The following RNF19A variants were observed in gnomAD, a reference collection of about 807,000 sequenced individuals.
RNF19A encodes the protein E3 ubiquitin-protein ligase RNF19A.
Under a neutral mutation model 75.7 loss-of-function variants are expected in RNF19A, and 32 were observed. That is an observed-to-expected ratio of 0.42 (90% CI 0.32 to 0.57). The LOEUF (loss-of-function observed/expected upper bound fraction) is 0.57. Among genes scored for constraint, RNF19A ranks in the 20% least tolerant of loss-of-function variants. The pLI is 0.10. For missense variants in RNF19A, 782 were observed against 1,036.3 expected (o/e 0.75, Z 3.37); for synonymous variants, 335 against 345.2 (o/e 0.97, Z 0.33).
In RNF19A at chr8:100,260,482, C is replaced by T. The variant is rs1001455804; in HGVS notation, c.1683-485G>A. ...ACAGGGTCTCGTTATGTTGCCCAGG[C>T]TGGTCTCAAATTCCTGGCCTCAAGC... On this transcript the variant is annotated intron_variant, in intron 8 of 9. Coordinates refer to ENST00000341084, the MANE Select transcript of RNF19A (RefSeq NM_183419.4). This position sits in a 1 kb window ranked among gnomAD's most constrained non-coding sequence, Gnocchi z 4.1. Among the ~76,000 whole-genome samples the T allele has an allele frequency of 2.6e-5, 4 of 152,078 alleles. No individual in the cohort carries two copies. Among genetic ancestry groups the T allele is most frequent in the Non-Finnish European group, 5.9e-5 (4 of 68,016 alleles).
Position 100,287,040 on chromosome 8 carries a change from G to A in RNF19A, c.674+461C>T, listed in dbSNP as rs1049469411. ...TATCAACATGAACACATCATACTGT[G>A]GCACATGCTAAGGTAGGTACCTTTC... is the stretch of plus-strand genomic sequence containing the variant. On this transcript the variant is annotated intron_variant, in intron 2 of 9. Coordinates refer to ENST00000341084, the MANE Select transcript of RNF19A (RefSeq NM_183419.4). The surrounding 1 kb of genome is among the most constrained non-coding windows in gnomAD (Gnocchi z 4.1). 3.9e-5 allele frequency among the ~76,000 whole-genome samples: 6 copies of A among 152,000 alleles called. No homozygotes were observed. Among genetic ancestry groups the A allele is most frequent in the African/African-American group, 1.5e-4 (6 of 41,366 alleles).
chr8:100,310,030 C>T, upstream of RNF19A: 2 of 985,282 alleles, frequency 2.0e-6, no homozygotes, highest in Non-Finnish European at 2.4e-6. Context: ...TCCCGACGGC[C>T]GCTTTCCCGA....
chr8:100,308,981 C>T (rs1471667263), intron 1 of RNF19A, among the ~76,000 whole-genome samples: 1 of 152,182 alleles, frequency 6.6e-6, no homozygotes, highest in African/African-American at 2.4e-5. Context: ...CATATATAGC[C>T]TTAACCACTC....
At chr8:100,263,687 G>T (rs924601445) in intron 7 of RNF19A, among the ~76,000 whole-genome samples, 1 of 152,124 alleles carries the variant, frequency 6.6e-6, no homozygotes, top group Non-Finnish European at 1.5e-5. Context: ...ACATTGAGTT[G>T]AAGATATTTT....
In RNF19A at chr8:100,264,373, C is replaced by T. The variant is rs1283014990; in HGVS notation, c.1307-178G>A. 3 of 621,838 alleles carry T rather than the reference C, an allele frequency of 4.8e-6. No individual in the cohort carries two copies. In the East Asian group the frequency reaches 8.3e-5, roughly 17 times the overall value. The allele number at this position is 621,838 out of a possible 1,614,324, so 38.5% of individuals were successfully genotyped here. A position where few individuals can be genotyped will look rare whatever the true frequency, so the allele number is the denominator to read the frequency against. ...CCAGTTGTTAAGCAAATTCAAGGTTCCCAGCCTTTCAGGTAATGCACATAA... is the reference window on the plus strand; with the variant it reads ...CCAGTTGTTAAGCAAATTCAAGGTTTCCAGCCTTTCAGGTAATGCACATAA... On this transcript the variant is annotated intron_variant, in intron 6 of 9. Transcript: ENST00000341084. This position sits in a 1 kb window ranked among gnomAD's most constrained non-coding sequence, Gnocchi z 4.7.
upstream of RNF19A, chr8:100,309,988 T>C: frequency 1.0e-6 from 1 of 985,608 alleles, no homozygotes; most frequent in Non-Finnish European, 1.2e-6. Flanking sequence ...GAGGCGCCTC[T>C]CAACCGGGGC....
intron 1 of RNF19A, among the ~76,000 whole-genome samples, chr8:100,303,634 T>A (rs1821938266): frequency 6.6e-6 from 1 of 152,004 alleles, no homozygotes; most frequent in African/African-American, 2.4e-5. Flanking sequence ...TGCATAATTT[T>A]AAAAATGGGC....
chr8:100,286,312 C>T (rs1821014656), intron 2 of RNF19A, among the ~76,000 whole-genome samples: 1 of 152,206 alleles, frequency 6.6e-6, no homozygotes, highest in Non-Finnish European at 1.5e-5. Flanking sequence ...AGACAGCATC[C>T]ATAACGTATT....
chr8:100,316,744 T>C (rs1012806848), intron 1 of RNF19A, among the ~76,000 whole-genome samples: 2 of 152,230 alleles, frequency 1.3e-5, no homozygotes, highest in African/African-American at 4.8e-5. Flanking sequence ...CAGTTGGAGC[T>C]GCCTGCCAGT....
chr8:100,275,122 T>G lies in RNF19A; in HGVS notation c.714A>C (p.Lys238Asn). 1.2e-6 allele frequency: 2 copies of G among 1,614,152 alleles called. No homozygotes were observed. Among genetic ancestry groups the G allele is most frequent in the Non-Finnish European group, 1.7e-6 (2 of 1,180,010 alleles). Reference sequence around the variant, plus strand: ...CACAGCCCTCTCGCCCACAAGTTAATTTTGGACAGCTGGCACATCCAAATG... The same window carrying G: ...CACAGCCCTCTCGCCCACAAGTTAAGTTTGGACAGCTGGCACATCCAAATG... The part of the protein sequence containing the change: ...VIAFGCASCP[K>N]LTCGREGCGT... Residue 238 changes from lysine (K) to asparagine (N), a missense_variant, in exon 3 of 10, where the codon AAA becomes AAC. Physicochemically the swap from Lys to Asn is moderately conservative, Grantham distance 94. Transcript: ENST00000341084. This position sits in a 1 kb window ranked among gnomAD's most constrained non-coding sequence, Gnocchi z 4.3.
chr8:100,294,571 CACTTA>C (rs1021478305), intron 1 of RNF19A, among the ~76,000 whole-genome samples: 16 of 148,216 alleles, frequency 1.1e-4, no homozygotes, highest in African/African-American at 3.6e-4. Context: ...TATTTCTGGC[CACTTA>C]ACTTCCATCC....
chr8:100,258,945 C>A lies in RNF19A; in HGVS notation c.2128G>T (p.Ala710Ser). 1 of 1,614,192 alleles carries A rather than the reference C, an allele frequency of 6.2e-7. No homozygotes were observed. The highest frequency in any genetic ancestry group is 8.5e-7 in the Non-Finnish European group (1 of 1,180,032). The change falls in exon 10 of 10, where the codon GCT becomes TCT. Residue 710 changes from alanine (A) to serine (S), a missense_variant. This residue lies in a region of RNF19A where 442 missense variants were observed against 541.6 expected (regional missense o/e 0.82). Coordinates refer to ENST00000341084, the MANE Select transcript of RNF19A (RefSeq NM_183419.4). This position sits in a 1 kb window ranked among gnomAD's most constrained non-coding sequence, Gnocchi z 4.3. ...QQSTNSSEFEAPSLSDSMPSV... is the reference protein window; with the variant it reads ...QQSTNSSEFESPSLSDSMPSV... Reference sequence around the variant, plus strand: ...GGCATACTGTCACTGAGGGATGGAGCCTCAAATTCACTTGAGTTCGTGCTT... The same window carrying A: ...GGCATACTGTCACTGAGGGATGGAGACTCAAATTCACTTGAGTTCGTGCTT...
intron 1 of RNF19A, among the ~76,000 whole-genome samples, chr8:100,326,775 T>C (rs562720041): frequency 1.3e-5 from 2 of 152,372 alleles, no homozygotes; most frequent in East Asian, 1.9e-4. Flanking sequence ...ATACTTATCT[T>C]AAACACTTTA....
chr8:100,273,557 C>T (rs1415445088), intron 3 of RNF19A, among the ~76,000 whole-genome samples: 1 of 152,026 alleles, frequency 6.6e-6, no homozygotes, highest in Non-Finnish European at 1.5e-5. Context: ...TTGAGGAAGA[C>T]CAATATTCAT....
In RNF19A at chr8:100,269,030, T is replaced by C; in HGVS notation, c.1029-83A>G. On this transcript the variant is annotated intron_variant, in intron 4 of 9. Transcript: ENST00000341084. This position sits in a 1 kb window ranked among gnomAD's most constrained non-coding sequence, Gnocchi z 5.7. ...GTGCACTATATTAAAACAATGACTATTTTTAAAAACTTCTCATAGTTAGGA... is the reference window on the plus strand; with the variant it reads ...GTGCACTATATTAAAACAATGACTACTTTTAAAAACTTCTCATAGTTAGGA... The C allele has an allele frequency of 1.7e-6, 2 of 1,146,910 alleles. No individual in the cohort carries two copies. Among genetic ancestry groups the C allele is most frequent in the Middle Eastern group, 2.2e-4 (1 of 4,508 alleles). 71.0% of individuals were successfully genotyped at this position (1,146,910 alleles called of 1,614,324 possible).
At chr8:100,295,938 T>G (rs530874064) in intron 1 of RNF19A, among the ~76,000 whole-genome samples, 135 of 152,330 alleles carry the variant, frequency 8.9e-4, no homozygotes, top group African/African-American at 3.2e-3. Flanking sequence ...AATGTTATTT[T>G]TAAGTTATGC....
Position 100,260,786 on chromosome 8 carries a change from A to G in RNF19A, c.1682+756T>C, listed in dbSNP as rs937858925. Among the ~76,000 whole-genome samples, 173 of 152,340 alleles carry G rather than the reference A, an allele frequency of 1.1e-3. 1 individual carries two copies. Among genetic ancestry groups the G allele is most frequent in the African/African-American group, 3.9e-3 (162 of 41,576 alleles). ...ATTTTTCCTACTTATCTATATGGCT[A>G]TTGATAAAAGACTTGGTGAGAACAA... On this transcript the variant is annotated intron_variant, in intron 8 of 9. Transcript: ENST00000341084. This position sits in a 1 kb window ranked among gnomAD's most constrained non-coding sequence, Gnocchi z 4.1.
At chr8:100,301,715 G>A (rs1455408634) in intron 1 of RNF19A, among the ~76,000 whole-genome samples, 2 of 152,084 alleles carry the variant, frequency 1.3e-5, no homozygotes, top group African/African-American at 4.8e-5. Context: ...GTTACTCCAT[G>A]CTCTTATATA....
chr8:100,267,678 C>CT (rs34590798), intron 5 of RNF19A, among the ~76,000 whole-genome samples: 49,990 of 138,590 alleles, frequency 0.36, 9,108 homozygotes, highest in East Asian at 0.41. Context: ...CTTGTTAGTT[C>CT]TTTTTTTTTT....
Sources: allele counts gnomAD v4.1 joint callset (sites outside exome capture counted in the v4.1 genomes callset), GRCh38; gene constraint gnomAD v4.1.1; regional missense constraint gnomAD v4.1.1; non-coding constraint Gnocchi (gnomAD v3.1); transcripts MANE v1.5; gene names NCBI Gene and HGNC (gene_info 2026-07-23, HGNC 2026-07-21).